MACROD2: variants seen among roughly 807,000 people sequenced by gnomAD.
The protein encoded by MACROD2 is mono-ADP ribosylhydrolase 2, also known as ADP-ribose glycohydrolase MACROD2.
In MACROD2, 36 loss-of-function variants were observed where a neutral mutation model predicts 70.4. The observed-to-expected ratio is 0.51, with a 90% CI of 0.39 to 0.68. The LOEUF is 0.68. Among genes scored for constraint, MACROD2 ranks in the 30% least tolerant of loss-of-function variants. The probability of loss-of-function intolerance (pLI) is 0.00; values close to 1 mark genes in which losing one functional copy is unlikely to be tolerated. For synonymous variants in MACROD2, 172 were observed against 178.8 expected, an observed-to-expected ratio of 0.96 and a Z score of 0.30; for missense variants, 496 against 538.4, an observed-to-expected ratio of 0.92 and a Z score of 0.78.
At chr20:14,807,134 G>A (rs909692946) in intron 5 of MACROD2, among the ~76,000 whole-genome samples, 1 of 152,134 alleles carries the variant, frequency 6.6e-6, no homozygotes, top group Non-Finnish European at 1.5e-5. Context: ...TGTCCCCTGT[G>A]CCTCCCAACG....
intron 8 of MACROD2, among the ~76,000 whole-genome samples, chr20:15,769,129 G>A (rs2051578549): frequency 1.3e-5 from 2 of 152,158 alleles, no homozygotes; most frequent in African/African-American, 4.8e-5. Flanking sequence ...GTAATGCAAT[G>A]GTGTTTTGTT....
intron 3 of MACROD2, among the ~76,000 whole-genome samples, chr20:14,460,513 A>C (rs559235839): frequency 1.4e-4 from 21 of 152,064 alleles, no homozygotes; most frequent in Admixed American, 4.6e-4. Flanking sequence ...TGTTGGCCGC[A>C]TAAATGTCTT....
intron 5 of MACROD2, among the ~76,000 whole-genome samples, chr20:15,082,290 T>C (rs1198116205): frequency 6.6e-6 from 1 of 152,170 alleles, no homozygotes; most frequent in Non-Finnish European, 1.5e-5. Context: ...AGGGAAGCCA[T>C]TGGAGATCAT....
intron 8 of MACROD2, among the ~76,000 whole-genome samples, chr20:15,758,804 A>C (rs995885054): frequency 6.6e-6 from 1 of 151,754 alleles, no homozygotes; most frequent in Non-Finnish European, 1.5e-5. Flanking sequence ...CGGCCTCCCA[A>C]AGTGCTGGGA....
intron 5 of MACROD2, among the ~76,000 whole-genome samples, chr20:14,899,055 A>G (rs1192082939): frequency 6.6e-6 from 1 of 152,172 alleles, no homozygotes; most frequent in East Asian, 1.9e-4. Flanking sequence ...ACTTAGTTAT[A>G]GTTGTTACTT....
At chr20:14,183,332 C>T (rs1321569283) in intron 3 of MACROD2, among the ~76,000 whole-genome samples, 1 of 151,682 alleles carries the variant, frequency 6.6e-6, no homozygotes, top group Non-Finnish European at 1.5e-5. Context: ...CCTTTAGCTC[C>T]ATCTATGTCC....
chr20:15,207,748 C>T (rs1368271960), intron 5 of MACROD2, among the ~76,000 whole-genome samples: 2 of 152,056 alleles, frequency 1.3e-5, no homozygotes, highest in East Asian at 1.9e-4. Context: ...ACCCCTCTGG[C>T]CCCCATTACT....
At chr20:14,001,057 C>T (rs1211320464) in intron 1 of MACROD2, among the ~76,000 whole-genome samples, 1 of 152,124 alleles carries the variant, frequency 6.6e-6, no homozygotes, top group Non-Finnish European at 1.5e-5. Context: ...TACATATTAC[C>T]TTTTTCGGGG....
At chr20:14,307,868 A>G (rs1435056379) in intron 3 of MACROD2, among the ~76,000 whole-genome samples, 1 of 152,032 alleles carries the variant, frequency 6.6e-6, no homozygotes, top group Non-Finnish European at 1.5e-5. Flanking sequence ...TTGATAGTGG[A>G]AGTATGGGGT....
chr20:14,199,145 C>T (rs1321721519), intron 3 of MACROD2, among the ~76,000 whole-genome samples: 1 of 152,142 alleles, frequency 6.6e-6, no homozygotes, highest in African/African-American at 2.4e-5. Flanking sequence ...AGTTATCATA[C>T]ATAGAATACA....
chr20:14,473,557 C>T (rs1347113166), intron 3 of MACROD2, among the ~76,000 whole-genome samples: 2 of 152,102 alleles, frequency 1.3e-5, no homozygotes, highest in African/African-American at 4.8e-5. Flanking sequence ...TGTTGATAGA[C>T]ACTTAGGTTG....
intron 3 of MACROD2, among the ~76,000 whole-genome samples, chr20:14,314,773 TAA>T (rs1199535573): frequency 6.7e-6 from 1 of 150,366 alleles, no homozygotes; most frequent in African/African-American, 2.4e-5. Context: ...AATAAATAAA[TAA>T]ATAAATAAAT....
At chr20:14,518,922 C>T (rs983924081) in intron 4 of MACROD2, among the ~76,000 whole-genome samples, 3 of 152,078 alleles carry the variant, frequency 2.0e-5, no homozygotes, top group African/African-American at 7.2e-5. Flanking sequence ...ATAGGACAAG[C>T]TTATTCATGA....
intron 8 of MACROD2, among the ~76,000 whole-genome samples, chr20:15,571,818 G>A (rs1435006139): frequency 2.0e-5 from 3 of 152,068 alleles, no homozygotes; most frequent in Non-Finnish European, 4.4e-5. Context: ...GGGGAAATAC[G>A]ATGCTTTACT....
intron 3 of MACROD2, among the ~76,000 whole-genome samples, chr20:14,489,617 A>C (rs2084771270): frequency 6.6e-6 from 1 of 152,160 alleles, no homozygotes; most frequent in Non-Finnish European, 1.5e-5. Flanking sequence ...AGAATAAATA[A>C]ACTAAACTAG....
intron 6 of MACROD2, among the ~76,000 whole-genome samples, chr20:15,248,561 G>A (rs2077126509): frequency 6.6e-6 from 1 of 152,130 alleles, no homozygotes; most frequent in Admixed American, 6.5e-5. Flanking sequence ...ACAAGTCCCT[G>A]ATTCCCAAAT....
intron 7 of MACROD2, among the ~76,000 whole-genome samples, chr20:15,491,677 T>C (rs924952512): frequency 6.6e-6 from 1 of 152,152 alleles, no homozygotes; most frequent in Non-Finnish European, 1.5e-5. Flanking sequence ...TCAGTAATCA[T>C]TGGTTGAAGA....
chr20:14,965,582 TCCC>T (rs2074628356), intron 5 of MACROD2, among the ~76,000 whole-genome samples: 1 of 142,140 alleles, frequency 7.0e-6, no homozygotes, highest in African/African-American at 2.6e-5. Flanking sequence ...TGACTCAGCC[TCCC>T]TAGTAACTGG....
At chr20:14,122,987 G>A (rs1046992183) in intron 3 of MACROD2, among the ~76,000 whole-genome samples, 16 of 152,130 alleles carry the variant, frequency 1.1e-4, no homozygotes, top group African/African-American at 3.9e-4. Flanking sequence ...CCAAACTAGT[G>A]TTTTTTGATG....
Sources: allele counts gnomAD v4.1 joint callset (sites outside exome capture counted in the v4.1 genomes callset), GRCh38; gene constraint gnomAD v4.1.1; transcripts MANE v1.5; gene names NCBI Gene and HGNC (gene_info 2026-07-23, HGNC 2026-07-21).